METTL9: variants seen among roughly 807,000 people sequenced by gnomAD.
The protein encoded by METTL9 is methyltransferase 9, His-X-His N1(pi)-histidine.
METTL9 carries 10 observed loss-of-function variants against 36.0 expected under a neutral mutation model. The ratio of observed to expected loss-of-function variants is 0.28; its 90% confidence interval spans 0.17 to 0.47. The LOEUF is 0.47. Ranked by LOEUF, METTL9 falls within the 20% of genes least tolerant of loss-of-function variation. The pLI is 0.99. For synonymous variants in METTL9, 175 were observed against 149.7 expected (o/e 1.17, Z -1.23); for missense variants, 246 against 383.5 (o/e 0.64, Z 3.00).
Position 21,599,907 on chromosome 16 carries a change from T to C in METTL9, c.165+9T>C, listed in dbSNP as rs758929814. 3 of 1,405,240 alleles carry C rather than the reference T, an allele frequency of 2.1e-6. No homozygotes were observed. Among genetic ancestry groups the C allele is most frequent in the Non-Finnish European group, 2.8e-6 (3 of 1,080,676 alleles). 87.0% of individuals were successfully genotyped at this position (1,405,240 alleles called of 1,614,324 possible). ...GGAAGGAGAACCACCAGGTACGGGC[T>C]GGGGCCGGGGCCGGGGCGGGGGCGT... On this transcript the variant is annotated intron_variant, in intron 1 of 4. Transcript: ENST00000358154. This position sits in a 1 kb window ranked among gnomAD's most constrained non-coding sequence, Gnocchi z 4.4.
intron 4 of METTL9, among the ~76,000 whole-genome samples, chr16:21,633,356 A>G (rs891832593): frequency 6.6e-6 from 1 of 152,210 alleles, no homozygotes; most frequent in African/African-American, 2.4e-5. Context: ...CTGGTAGCCA[A>G]AAGTAAATCA....
Position 21,624,999 on chromosome 16 carries a change from T to G in METTL9, c.635T>G (p.Leu212Arg), listed in dbSNP as rs766914352. 6.2e-7 allele frequency: 1 copy of G among 1,614,206 alleles called. No homozygotes were observed. The highest frequency in any genetic ancestry group is 1.3e-5 in the African/African-American group (1 of 75,062). Residue 212 changes from leucine to arginine, a missense_variant, in exon 4 of 5, where the codon CTG (leucine) becomes CGG (arginine). Around this residue, in one of 2 missense-constraint regions of METTL9, gnomAD observed 146 missense variants for 302.1 expected, o/e 0.48. Transcript: ENST00000358154. ...GATGTCATCAGCTGCCTGAACTTGC[T>G]GGACCGCTGTGATCAGCCCCTGACT... ...QYDVISCLNL[L>R]DRCDQPLTLL... is the part of the protein sequence containing the mutation.
At chr16:21,620,219 A>G (rs1178413059) in intron 3 of METTL9, among the ~76,000 whole-genome samples, 1 of 152,162 alleles carries the variant, frequency 6.6e-6, no homozygotes, top group Non-Finnish European at 1.5e-5. Flanking sequence ...TGTTATAGGA[A>G]GAGACATAAG....
intron 4 of METTL9, among the ~76,000 whole-genome samples, chr16:21,634,290 C>T (rs371651101): frequency 7.2e-5 from 11 of 152,114 alleles, no homozygotes; most frequent in African/African-American, 1.2e-4. Flanking sequence ...CATGAGCTGG[C>T]GCTTGCCCCG....
At chr16:21,628,185 T>C (rs1273684098) in intron 4 of METTL9, among the ~76,000 whole-genome samples, 1 of 152,198 alleles carries the variant, frequency 6.6e-6, no homozygotes, top group Non-Finnish European at 1.5e-5. Context: ...GTTGTCTACA[T>C]GTAAGCTGTA....
chr16:21,629,672 G>C (rs1223063935), intron 4 of METTL9, among the ~76,000 whole-genome samples: 3 of 152,190 alleles, frequency 2.0e-5, no homozygotes, highest in Non-Finnish European at 4.4e-5. Context: ...CAAAGCGTGA[G>C]CAGCAGTAAG....
chr16:21,631,197 C>G (rs1463920103), intron 4 of METTL9, among the ~76,000 whole-genome samples: 2 of 152,114 alleles, frequency 1.3e-5, no homozygotes, highest in Non-Finnish European at 2.9e-5. Context: ...AGTAGCCATT[C>G]CTAACCCTAT....
chr16:21,643,178 A>T, intron 4 of METTL9: 1 of 1,558,562 alleles, frequency 6.4e-7, no homozygotes, highest in South Asian at 1.1e-5. Context: ...TGAGAAAAAA[A>T]AATTCTCTTT....
Position 21,603,965 on chromosome 16 carries a change from T to TC in METTL9, c.165+4072dup, listed in dbSNP as rs58348560. On this transcript the variant is annotated intron_variant, in intron 1 of 4. Coordinates refer to ENST00000358154, the MANE Select transcript of METTL9 (RefSeq NM_016025.5). ...AAGAAAGAATTAAAATCCTTTTTTTTCCCCCAAATGAAAAAATACTTGGAC... is the reference window on the plus strand; with the variant it reads ...AAGAAAGAATTAAAATCCTTTTTTTTCCCCCCAAATGAAAAAATACTTGGAC... 3.3e-5 allele frequency among the ~76,000 whole-genome samples: 5 copies of TC among 152,176 alleles called. No homozygotes were observed. In the East Asian group the frequency reaches 9.6e-4, roughly 29 times the overall value.
At chr16:21,636,262 T>C (rs1363273678) in intron 4 of METTL9, among the ~76,000 whole-genome samples, 1 of 152,142 alleles carries the variant, frequency 6.6e-6, no homozygotes, top group Non-Finnish European at 1.5e-5. Context: ...TAGGCCTGCT[T>C]TTCTAAGGAG....
intron 4 of METTL9, 131 bp from the exon 5 acceptor site, chr16:21,655,096 A>G: frequency 1.3e-6 from 1 of 743,100 alleles, no homozygotes. Flanking sequence ...TGGGAAGTAC[A>G]AAAGAGGTAA....
chr16:21,609,324 C>G (rs939065892), intron 1 of METTL9, among the ~76,000 whole-genome samples: 3 of 152,146 alleles, frequency 2.0e-5, no homozygotes, highest in African/African-American at 7.2e-5. Context: ...TTGTCTGTAT[C>G]TGTGCCAGGC....
intron 1 of METTL9, among the ~76,000 whole-genome samples, chr16:21,611,947 G>T (rs1965435291): frequency 6.6e-6 from 1 of 152,174 alleles, no homozygotes; most frequent in Non-Finnish European, 1.5e-5. Flanking sequence ...TTCTTAGCAT[G>T]TTACTATTTG....
chr16:21,600,513 G>A (rs1026810862), intron 1 of METTL9, among the ~76,000 whole-genome samples: 4 of 152,168 alleles, frequency 2.6e-5, no homozygotes, highest in African/African-American at 9.7e-5. Flanking sequence ...ACCTAGCAGA[G>A]ATCTCCTTTA....
At chr16:21,627,203 A>T in intron 4 of METTL9, 1 of 985,382 alleles carries the variant, frequency 1.0e-6, no homozygotes. Flanking sequence ...AACCATGAGG[A>T]CTGGGAGATG....
intron 4 of METTL9, among the ~76,000 whole-genome samples, chr16:21,650,585 A>G (rs1364542195): frequency 1.3e-5 from 2 of 151,690 alleles, no homozygotes; most frequent in African/African-American, 4.8e-5. Context: ...AAAAACTAGT[A>G]GTATAGGATA....
chr16:21,632,221 T>C (rs1487124586), intron 4 of METTL9, among the ~76,000 whole-genome samples: 1 of 152,258 alleles, frequency 6.6e-6, no homozygotes, highest in African/African-American at 2.4e-5. Flanking sequence ...TCTTTCCATA[T>C]TGCAGCATTG....
At chr16:21,651,587 C>G (rs1302971763) in intron 4 of METTL9, among the ~76,000 whole-genome samples, 1 of 152,082 alleles carries the variant, frequency 6.6e-6, no homozygotes, top group Admixed American at 6.5e-5. Context: ...AGGCATGAAC[C>G]ACCACGCCCA....
rs751850132 is a variant in METTL9 at position 21,655,348 on chromosome 16, C to G, written c.873C>G (p.Thr291=). ...RKAGFVIEAF[T]RLPYLCEGDM... is the part of the protein sequence containing the mutation. Reference sequence around the variant, plus strand: ...CTGGTTTTGTTATCGAAGCTTTCACCAGACTACCATACCTGTGTGAAGGCG... The same window carrying G: ...CTGGTTTTGTTATCGAAGCTTTCACGAGACTACCATACCTGTGTGAAGGCG... Residue 291 remains threonine, a synonymous_variant, in exon 5 of 5, where the codon ACC becomes ACG. Transcript: ENST00000358154. The G allele has an allele frequency of 3.7e-6, 6 of 1,614,028 alleles. No individual in the cohort carries two copies. In the African/African-American group the frequency reaches 6.7e-5, roughly 18 times the overall value.
Sources: allele counts gnomAD v4.1 joint callset (sites outside exome capture counted in the v4.1 genomes callset), GRCh38; gene constraint gnomAD v4.1.1; regional missense constraint gnomAD v4.1.1; non-coding constraint Gnocchi (gnomAD v3.1); transcripts MANE v1.5; gene names NCBI Gene and HGNC (gene_info 2026-07-23, HGNC 2026-07-21).